Variants in SLC9A2 observed in about 807,000 individuals in gnomAD.
SLC9A2 encodes the protein sodium/hydrogen exchanger 2.
In SLC9A2, 42 loss-of-function variants were observed where a neutral mutation model predicts 71.7. The observed-to-expected ratio is 0.59, with a 90% CI of 0.46 to 0.76. The LOEUF is 0.76. Ranked by LOEUF, SLC9A2 falls within the 30% of genes least tolerant of loss-of-function variation. SLC9A2 has a pLI of 0.00. For synonymous variants in SLC9A2, 396 were observed against 392.5 expected (o/e 1.01, Z -0.10); for missense variants, 829 against 1,017.4 (o/e 0.81, Z 2.52).
At chr2:102,707,408 G>C (rs936536971) in intron 11 of SLC9A2, among the ~76,000 whole-genome samples, 1 of 151,362 alleles carries the variant, frequency 6.6e-6, no homozygotes, top group Non-Finnish European at 1.5e-5. Flanking sequence ...GGAAGACAAG[G>C]CAGCACTGAA....
intron 3 of SLC9A2, among the ~76,000 whole-genome samples, chr2:102,682,809 C>CTAAT (rs1413156195): frequency 6.6e-6 from 1 of 152,108 alleles, no homozygotes; most frequent in African/African-American, 2.4e-5. Flanking sequence ...GGAGAGAAGT[C>CTAAT]TAATGCAAGC....
chr2:102,676,179 C>T (rs1289871609), intron 3 of SLC9A2, among the ~76,000 whole-genome samples: 2 of 152,202 alleles, frequency 1.3e-5, no homozygotes, highest in Non-Finnish European at 2.9e-5. Context: ...GTTTCACATA[C>T]CCAGGCCCCA....
At chr2:102,669,897 T>C (rs374498371) in intron 3 of SLC9A2, among the ~76,000 whole-genome samples, 26 of 152,252 alleles carry the variant, frequency 1.7e-4, no homozygotes, top group African/African-American at 6.3e-4. Context: ...CTCTAATAAG[T>C]GGGACATTGG....
intron 1 of SLC9A2, among the ~76,000 whole-genome samples, chr2:102,621,183 T>G (rs77518775): frequency 6.6e-6 from 1 of 151,466 alleles, no homozygotes; most frequent in Non-Finnish European, 1.5e-5. Flanking sequence ...AATTAATTAA[T>G]TAGGTAGCCT....
rs1212430599 is a variant in SLC9A2 at position 102,683,283 on chromosome 2, A to G, written c.1027A>G (p.Met343Val). 1 of 1,611,992 alleles carries G rather than the reference A, an allele frequency of 6.2e-7. No homozygotes were observed. The highest frequency in any genetic ancestry group is 8.5e-7 in the Non-Finnish European group (1 of 1,178,052). ...IMAITACAMT[M>V]NKYVEENVSQ... ...CAGAATCACTGCTTGTGCAATGACT[A>G]TGAATAAGTACGTAGAAGAAAATGT... is the stretch of plus-strand genomic sequence containing the variant. Residue 343 changes from methionine (M) to valine (V), a missense_variant, in exon 4 of 12, where the codon ATG (methionine) becomes GTG (valine). This residue lies in a region of SLC9A2 where 500 missense variants were observed against 726.3 expected (regional missense o/e 0.69). Coordinates refer to ENST00000233969, the MANE Select transcript of SLC9A2 (RefSeq NM_003048.6).
intron 1 of SLC9A2, among the ~76,000 whole-genome samples, chr2:102,651,814 G>A (rs1407268092): frequency 6.6e-6 from 1 of 152,184 alleles, no homozygotes; most frequent in Non-Finnish European, 1.5e-5. Flanking sequence ...ATTGAATGAG[G>A]TTGATAATTT....
intron 5 of SLC9A2, chr2:102,686,435 C>T (rs1677547091): frequency 6.6e-6 from 1 of 152,220 alleles, no homozygotes; most frequent in African/African-American, 2.4e-5. Flanking sequence ...ACAGTTCATC[C>T]TTCATTCATT....
intron 1 of SLC9A2, 48 bp downstream of exon 1, chr2:102,620,185 G>A (rs1486740482): frequency 2.0e-6 from 3 of 1,528,314 alleles, no homozygotes; most frequent in East Asian, 2.3e-5. Flanking sequence ...ATCTCGGGGG[G>A]ACACCTGGAG....
At chr2:102,701,334 C>T (rs148445513) in intron 8 of SLC9A2, 103 bp downstream of exon 8, 36 of 901,218 alleles carry the variant, frequency 4.0e-5, no homozygotes, top group Admixed American at 1.0e-4. Context: ...TTAATTGATC[C>T]GCCCCCCTCG....
At chr2:102,653,006 C>G (rs11896252) in intron 1 of SLC9A2, among the ~76,000 whole-genome samples, 1 of 152,134 alleles carries the variant, frequency 6.6e-6, no homozygotes, top group South Asian at 2.1e-4. Context: ...ATTTAAGAAG[C>G]CTTCTTTTGT....
intron 3 of SLC9A2, among the ~76,000 whole-genome samples, chr2:102,674,496 C>G (rs747999715): frequency 7.2e-5 from 11 of 152,206 alleles, no homozygotes; most frequent in Admixed American, 2.6e-4. Flanking sequence ...TCCCTCACCT[C>G]AATCAAACAT....
At chr2:102,630,219 C>T (rs1326471369) in intron 1 of SLC9A2, among the ~76,000 whole-genome samples, 11 of 151,910 alleles carry the variant, frequency 7.2e-5, no homozygotes, top group East Asian at 1.9e-4. Context: ...TTCTGCCTTC[C>T]GGATTCTTTT....
rs758244233 is a variant in SLC9A2, at chr2:102,619,925, C to A, written c.77C>A (p.Ala26Glu). ...PMLLLLLLQV[A>E]GPVGALAETL... ...CTGTTGCTGCTGCTCCTGCAGGTGG[C>A]GGGGCCCGTGGGCGCCCTGGCGGAG... Residue 26 changes from alanine (A) to glutamate (E), a missense_variant, in exon 1 of 12, where the codon GCG becomes GAG. Transcript: ENST00000233969. The surrounding 1 kb of genome is among the most constrained non-coding windows in gnomAD (Gnocchi z 4.3). 3 of 1,602,976 alleles carry A rather than the reference C, an allele frequency of 1.9e-6. No homozygotes were observed. Among genetic ancestry groups the A allele is most frequent in the African/African-American group, 2.7e-5 (2 of 74,790 alleles).
chr2:102,668,358 CCCCG>C (rs1221098611), intron 3 of SLC9A2, among the ~76,000 whole-genome samples: 1 of 120,046 alleles, frequency 8.3e-6, no homozygotes, highest in Non-Finnish European at 1.9e-5. Flanking sequence ...GATGTGCATG[CCCCG>C]CCCCTCTCTA....
At chr2:102,645,618 G>A (rs1676707520) in intron 1 of SLC9A2, among the ~76,000 whole-genome samples, 1 of 152,006 alleles carries the variant, frequency 6.6e-6, no homozygotes, top group Admixed American at 6.6e-5. Flanking sequence ...ATGACCTGAT[G>A]GAGCTGAAAA....
At chr2:102,704,944 C>A (rs1372985445) in intron 10 of SLC9A2, among the ~76,000 whole-genome samples, 1 of 152,094 alleles carries the variant, frequency 6.6e-6, no homozygotes, top group Non-Finnish European at 1.5e-5. Flanking sequence ...CCTGTAAATG[C>A]CAGCACTTTG....
At chr2:102,657,528 A>G in intron 1 of SLC9A2, 36 bp from the exon 2 acceptor site, 1 of 1,452,802 alleles carries the variant, frequency 6.9e-7, no homozygotes, top group South Asian at 1.3e-5. Context: ...ATTCCTCCAT[A>G]ACCCAAGTTG....
chr2:102,648,244 CAT>C, intron 1 of SLC9A2, among the ~76,000 whole-genome samples: 1 of 152,168 alleles, frequency 6.6e-6, no homozygotes. Flanking sequence ...ACAAAAACCA[CAT>C]GATTATCTAA....
chr2:102,675,685 T>G (rs1256383209), intron 3 of SLC9A2, among the ~76,000 whole-genome samples: 2 of 152,078 alleles, frequency 1.3e-5, no homozygotes, highest in African/African-American at 4.8e-5. Context: ...CACAGAGACC[T>G]GCACCTAGAT....
Sources: gnomAD v4.1 joint callset for allele counts (sites outside exome capture counted in the v4.1 genomes callset) on GRCh38, gnomAD v4.1.1 for gene constraint, gnomAD v4.1.1 regional missense constraint, Gnocchi (gnomAD v3.1) non-coding constraint, MANE v1.5 for transcripts, NCBI Gene and HGNC (gene_info 2026-07-23, HGNC 2026-07-21) for gene names.